HYCC1: variants seen among roughly 807,000 people sequenced by gnomAD.
The protein encoded by HYCC1 is hyccin.
chr7:22,960,167 C>T, the HYCC1 span: 10 of 1,335,044 alleles, frequency 7.5e-6, no homozygotes, highest in African/African-American at 1.4e-5. Context: ...TTACTATTTA[C>T]TGAAGTTAGA....
the HYCC1 span, among the ~76,000 whole-genome samples, chr7:22,971,573 C>T: frequency 4.5e-4 from 67 of 150,306 alleles, 1 homozygote; most frequent in African/African-American, 1.4e-3. Context: ...CTACTCAGGA[C>T]GCTGAGGCAC....
At chr7:22,914,469 AT>A in the HYCC1 span, among the ~76,000 whole-genome samples, 558 of 147,922 alleles carry the variant, frequency 3.8e-3, 5 homozygotes, top group African/African-American at 0.013. Flanking sequence ...AAACCTAAGC[AT>A]TTTTTTTTTC....
chr7:22,962,544 G>A, the HYCC1 span, among the ~76,000 whole-genome samples: 5 of 147,364 alleles, frequency 3.4e-5, no homozygotes, highest in African/African-American at 7.5e-5. Context: ...ACCCCCCAGC[G>A]AACAAGTGAA....
the HYCC1 span, chr7:22,961,349 GA>G: frequency 8.0e-7 from 1 of 1,252,700 alleles, no homozygotes; most frequent in African/African-American, 1.5e-5. Flanking sequence ...ATTAAATGAA[GA>G]AATTATAATT....
the HYCC1 span, among the ~76,000 whole-genome samples, chr7:22,902,623 C>T: frequency 6.6e-6 from 1 of 151,834 alleles, no homozygotes; most frequent in Non-Finnish European, 1.5e-5. Context: ...AGAAATATGC[C>T]ATATATATGG....
chr7:22,924,240 C>A, the HYCC1 span, among the ~76,000 whole-genome samples: 1 of 150,956 alleles, frequency 6.6e-6, no homozygotes, highest in South Asian at 2.1e-4. Flanking sequence ...CTGCAGCCTA[C>A]AGCTCCCAGC....
chr7:22,920,139 A>G, the HYCC1 span, among the ~76,000 whole-genome samples: 2 of 152,078 alleles, frequency 1.3e-5, no homozygotes, highest in Non-Finnish European at 1.5e-5. Flanking sequence ...AGTAGCCTTG[A>G]CAACATAGGG....
the HYCC1 span, among the ~76,000 whole-genome samples, chr7:22,998,063 G>C: frequency 5.3e-5 from 8 of 152,128 alleles, no homozygotes; most frequent in African/African-American, 1.9e-4. Flanking sequence ...CATGACTTCA[G>C]ACAAGATCAG....
At chr7:22,993,901 T>G in the HYCC1 span, among the ~76,000 whole-genome samples, 2 of 152,174 alleles carry the variant, frequency 1.3e-5, no homozygotes, top group African/African-American at 4.8e-5. Context: ...ATTCTACCCA[T>G]GTTAATACTC....
chr7:22,904,880 A>AG, the HYCC1 span, among the ~76,000 whole-genome samples: 1 of 151,796 alleles, frequency 6.6e-6, no homozygotes, highest in East Asian at 1.9e-4. Context: ...CAAAAAAAAA[A>AG]AAAAAAGAAA....
chr7:22,989,295 C>T, the HYCC1 span, among the ~76,000 whole-genome samples: 3 of 31,616 alleles, frequency 9.5e-5, no homozygotes, highest in African/African-American at 2.2e-4. Flanking sequence ...AACACACACA[C>T]ACACACACAC....
At chr7:22,899,653 A>G in the HYCC1 span, among the ~76,000 whole-genome samples, 3 of 152,188 alleles carry the variant, frequency 2.0e-5, no homozygotes, top group Non-Finnish European at 4.4e-5. Context: ...TTTTAATTAA[A>G]CTTTGTAAAT....
the HYCC1 span, chr7:22,984,074 C>A: frequency 2.2e-6 from 3 of 1,362,286 alleles, no homozygotes; most frequent in African/African-American, 4.3e-5. Flanking sequence ...ATACATTTTA[C>A]TTTTATGAAA....
At chr7:22,961,164 G>GCTCT in the HYCC1 span, 641,777 of 912,610 alleles carry the variant, frequency 0.7, 227,266 homozygotes, top group South Asian at 0.75. Flanking sequence ...ACTATGAATG[G>GCTCT]CTCTCAATTT....
chr7:22,906,467 A>G, the HYCC1 span, among the ~76,000 whole-genome samples: 4 of 152,098 alleles, frequency 2.6e-5, no homozygotes, highest in African/African-American at 9.6e-5. Context: ...AATCCCAGCT[A>G]CTTGGGAGGC....
At chr7:22,895,843 G>A in the HYCC1 span, among the ~76,000 whole-genome samples, 1 of 152,180 alleles carries the variant, frequency 6.6e-6, no homozygotes, top group Non-Finnish European at 1.5e-5. Context: ...ACACCAGCAA[G>A]GCTGTGAAGC....
chr7:22,898,664 A>G, the HYCC1 span, among the ~76,000 whole-genome samples: 4 of 139,570 alleles, frequency 2.9e-5, no homozygotes, highest in Non-Finnish European at 4.6e-5. Context: ...GTACAGTGGC[A>G]TGATCTCGGC....
chr7:22,920,168 G>A, the HYCC1 span, among the ~76,000 whole-genome samples: 1 of 151,588 alleles, frequency 6.6e-6, no homozygotes, highest in African/African-American at 2.4e-5. Context: ...TTTTTTTGTA[G>A]ATCCTGCCTC....
chr7:22,925,294 C>T, the HYCC1 span, among the ~76,000 whole-genome samples: 3 of 152,204 alleles, frequency 2.0e-5, no homozygotes, highest in South Asian at 2.1e-4. Context: ...TCCAAAGGAA[C>T]GCAGCTCCTC....
Sources: gnomAD v4.1 joint callset for allele counts (sites outside exome capture counted in the v4.1 genomes callset) on GRCh38, gnomAD v4.1.1 for gene constraint, MANE v1.5 for transcripts, NCBI Gene and HGNC (gene_info 2026-07-23, HGNC 2026-07-21) for gene names.